The following ZNF558 variants were observed in gnomAD, a reference collection of about 807,000 sequenced individuals.
The protein encoded by ZNF558 is zinc finger protein 558.
ZNF558 carries 23 observed loss-of-function variants against 37.6 expected under a neutral mutation model. The observed-to-expected ratio is 0.61, with a 90% CI of 0.44 to 0.87. The LOEUF (loss-of-function observed/expected upper bound fraction) is 0.87, where lower values mean the gene tolerates loss of function less well. Ranked by LOEUF, ZNF558 falls within the 40% of genes least tolerant of loss-of-function variation. The pLI is 0.00. For missense variants in ZNF558, 429 were observed against 483.7 expected (o/e 0.89, Z 1.06); for synonymous variants, 189 against 174.4 (o/e 1.08, Z -0.66).
chr19:8,821,652 G>T, intron 6 of ZNF558: 1 of 1,314,002 alleles, frequency 7.6e-7, no homozygotes, highest in Non-Finnish European at 9.7e-7. Context: ...GGGATCATGG[G>T]CCCGTGACAT....
In ZNF558 at chr19:8,811,365, G is replaced by C. The variant is rs545572299; in HGVS notation, c.1125C>G (p.Pro375=). 26 of 1,613,768 alleles carry C rather than the reference G, an allele frequency of 1.6e-5. No individual in the cohort carries two copies. The African/African-American group carries it at 3.1e-4, about 19-fold the overall frequency. Reference sequence around the variant, plus strand: ...ATTTCCCACAATGATTACATTCATAGGGTTTTTCTCCAGTGTGAGTTCTTA... The same window carrying C: ...ATTTCCCACAATGATTACATTCATACGGTTTTTCTCCAGTGTGAGTTCTTA... ...KHLRTHTGEK[P]YECNHCGKSF... The change falls in exon 10 of 10, where the codon CCC becomes CCG. Residue 375 remains proline, a synonymous_variant. Transcript: ENST00000601372.
chr19:8,831,166 CTCTG>C (rs1599300344), intron 2 of ZNF558, 148 bp downstream of exon 2: 1 of 152,206 alleles, frequency 6.6e-6, no homozygotes, highest in East Asian at 1.9e-4. Flanking sequence ...CCATAAACAC[CTCTG>C]TCTTTTTACC....
rs1374473846 is a variant in ZNF558, at chr19:8,808,686, T to G, written c.*2595A>C. On this transcript the variant is annotated 3_prime_UTR_variant, in exon 10 of 10. Coordinates refer to ENST00000601372, the MANE Select transcript of ZNF558 (RefSeq NM_144693.3). ...CCAATTTATAGGTTTACCAGTTAGA[T>G]TCTGCATCCTGCTGGAAGTTAACAG... 2.6e-5 allele frequency: 4 copies of G among 152,262 alleles called. No individual in the cohort carries two copies. The highest frequency in any genetic ancestry group is 9.6e-5 in the African/African-American group (4 of 41,474). 9.4% of individuals were successfully genotyped at this position (152,262 alleles called of 1,614,324 possible). A position where few individuals can be genotyped will look rare whatever the true frequency, so the allele number is the denominator to read the frequency against.
In ZNF558 at chr19:8,807,336, C is replaced by T. The variant is rs1291882907; in HGVS notation, c.*3945G>A. 1.3e-5 allele frequency: 2 copies of T among 152,360 alleles called. No individual in the cohort carries two copies. Among genetic ancestry groups the T allele is most frequent in the Non-Finnish European group, 2.9e-5 (2 of 68,188 alleles). 9.4% of individuals were successfully genotyped at this position (152,360 alleles called of 1,614,324 possible). ...ACAACTTTTTGTGGTTTCCCTGGAT[C>T]CTGTCCACAGGACTGAGTAGACCCT... is the stretch of plus-strand genomic sequence containing the variant. On this transcript the variant is annotated 3_prime_UTR_variant, in exon 10 of 10. Coordinates refer to ENST00000601372, the MANE Select transcript of ZNF558 (RefSeq NM_144693.3).
At chr19:8,812,258 T>TC (rs2043813573) in intron 9 of ZNF558, among the ~76,000 whole-genome samples, 195 bp from the exon 10 acceptor site, 1 of 152,196 alleles carries the variant, frequency 6.6e-6, no homozygotes, top group African/African-American at 2.4e-5. Context: ...TTGCCACAAG[T>TC]CCTTATCAGA....
upstream of ZNF558, among the ~76,000 whole-genome samples, chr19:8,834,132 C>A (rs902892783): frequency 3.3e-5 from 5 of 152,198 alleles, no homozygotes; most frequent in African/African-American, 1.2e-4. Flanking sequence ...TTGTTTCATG[C>A]ACCCGTCCTT....
At chr19:8,819,271 C>T (rs1453206858) in intron 7 of ZNF558, among the ~76,000 whole-genome samples, 1 of 152,136 alleles carries the variant, frequency 6.6e-6, no homozygotes, top group Non-Finnish European at 1.5e-5. Flanking sequence ...ACCTCTGCCT[C>T]CCAGGTTCAA....
At chr19:8,829,974 G>A (rs1283425463) in intron 2 of ZNF558, among the ~76,000 whole-genome samples, 1 of 152,052 alleles carries the variant, frequency 6.6e-6, no homozygotes, top group Non-Finnish European at 1.5e-5. Flanking sequence ...AGGTGATATC[G>A]TTGGCTCTGT....
Position 8,822,238 on chromosome 19 carries a change from G to T in ZNF558, c.32-147C>A. 1 of 949,912 alleles carries T rather than the reference G, an allele frequency of 1.1e-6. No individual in the cohort carries two copies. The highest frequency in any genetic ancestry group is 1.6e-6 in the Non-Finnish European group (1 of 640,234). 58.8% of individuals were successfully genotyped at this position (949,912 alleles called of 1,614,324 possible). ...CGCTCCATGCAAACACCTACCCACA[G>T]CTCTCCTAAGATACCCAAACACAGC... On this transcript the variant is annotated intron_variant, in intron 5 of 9. Coordinates refer to ENST00000601372, the MANE Select transcript of ZNF558 (RefSeq NM_144693.3). This position sits in a 1 kb window ranked among gnomAD's most constrained non-coding sequence, Gnocchi z 4.4.
At chr19:8,824,738 C>G (rs1225411240) in intron 3 of ZNF558, among the ~76,000 whole-genome samples, 1 of 152,144 alleles carries the variant, frequency 6.6e-6, no homozygotes, top group African/African-American at 2.4e-5. Context: ...GAAGCTCTCT[C>G]CTCCGCCCTT....
At chr19:8,826,086 G>A (rs1274484858) in intron 2 of ZNF558, among the ~76,000 whole-genome samples, 1 of 152,098 alleles carries the variant, frequency 6.6e-6, no homozygotes, top group African/African-American at 2.4e-5. Context: ...TGGTGTTGAT[G>A]ATGGAGGAAC....
chr19:8,809,645 T>C lies in ZNF558; in HGVS notation c.*1636A>G, dbSNP rs189752227. 193 of 152,366 alleles carry C rather than the reference T, an allele frequency of 1.3e-3. No homozygotes were observed. Among genetic ancestry groups the C allele is most frequent in the African/African-American group, 4.5e-3 (189 of 41,584 alleles). 9.4% of individuals were successfully genotyped at this position (152,366 alleles called of 1,614,324 possible). ...CAGAAGGTATTTGGAAATAACTTTT[T>C]GAATATGCAATGTGTGGATGTCTTT... On this transcript the variant is annotated 3_prime_UTR_variant, in exon 10 of 10. Coordinates refer to ENST00000601372, the MANE Select transcript of ZNF558 (RefSeq NM_144693.3).
At chr19:8,814,111 A>G (rs1210088689) in intron 7 of ZNF558, among the ~76,000 whole-genome samples, 1 of 152,278 alleles carries the variant, frequency 6.6e-6, no homozygotes, top group Non-Finnish European at 1.5e-5. Context: ...AAAAGTCCAC[A>G]GCAATCAGGA....
intron 2 of ZNF558, among the ~76,000 whole-genome samples, chr19:8,825,994 T>A (rs1321426380): frequency 6.6e-6 from 1 of 151,848 alleles, no homozygotes; most frequent in Non-Finnish European, 1.5e-5. Context: ...CAAAGAAGGA[T>A]GGGATGAGAT....
At chr19:8,821,935 T>C in intron 6 of ZNF558, 68 bp downstream of exon 6, 1 of 1,597,868 alleles carries the variant, frequency 6.3e-7, no homozygotes, top group African/African-American at 1.3e-5. Flanking sequence ...TCCAGGCTGC[T>C]GGAAGGTATC....
chr19:8,809,760 T>A lies in ZNF558; in HGVS notation c.*1521A>T, dbSNP rs2043738933. 1 of 152,192 alleles carries A rather than the reference T, an allele frequency of 6.6e-6. No individual in the cohort carries two copies. The highest frequency in any genetic ancestry group is 6.5e-5 in the Admixed American group (1 of 15,276). The allele number at this position is 152,192 out of a possible 1,614,324, so 9.4% of individuals were successfully genotyped here. A position where few individuals can be genotyped will look rare whatever the true frequency, so the allele number is the denominator to read the frequency against. On this transcript the variant is annotated 3_prime_UTR_variant, in exon 10 of 10. Transcript: ENST00000601372. ...TAGGGAACAGCTATACACAAATGTT[T>A]ATATTAAAAGAAAAAAAGACTAAAA...
rs1599241815 is a variant in ZNF558, at chr19:8,807,915, C to T, written c.*3366G>A. 1 of 152,262 alleles carries T rather than the reference C, an allele frequency of 6.6e-6. No individual in the cohort carries two copies. The highest frequency in any genetic ancestry group is 1.9e-4 in the East Asian group (1 of 5,184). 9.4% of individuals were successfully genotyped at this position (152,262 alleles called of 1,614,324 possible). A position where few individuals can be genotyped will look rare whatever the true frequency, so the allele number is the denominator to read the frequency against. ...TGTCTGGGTTCAGATCTTGGCTCTACCATTTACCAGTCAGTGAATGCAGGC... is the reference window on the plus strand; with the variant it reads ...TGTCTGGGTTCAGATCTTGGCTCTATCATTTACCAGTCAGTGAATGCAGGC... On this transcript the variant is annotated 3_prime_UTR_variant, in exon 10 of 10. Coordinates refer to ENST00000601372, the MANE Select transcript of ZNF558 (RefSeq NM_144693.3).
chr19:8,823,505 A>C (rs2044155187), intron 4 of ZNF558, among the ~76,000 whole-genome samples: 1 of 71,884 alleles, frequency 1.4e-5, no homozygotes, highest in South Asian at 6.3e-4. Flanking sequence ...GCTCTGCCTC[A>C]GTTACCCCCT....
chr19:8,814,750 T>C (rs543475059), intron 7 of ZNF558, among the ~76,000 whole-genome samples: 68 of 152,304 alleles, frequency 4.5e-4, no homozygotes, highest in Middle Eastern at 3.4e-3. Context: ...GTTTTTTCCT[T>C]TTTTGTTCCA....
Sources: gnomAD v4.1 joint callset for allele counts (sites outside exome capture counted in the v4.1 genomes callset) on GRCh38, gnomAD v4.1.1 for gene constraint, Gnocchi (gnomAD v3.1) non-coding constraint, MANE v1.5 for transcripts, NCBI Gene and HGNC (gene_info 2026-07-23, HGNC 2026-07-21) for gene names.